Variants in IDH3G observed in about 807,000 individuals in gnomAD.
IDH3G encodes the protein isocitrate dehydrogenase [NAD] subunit gamma, mitochondrial.
Under a neutral mutation model 26.9 loss-of-function variants are expected in IDH3G, and 9 were observed. The observed-to-expected ratio is 0.34, with a 90% confidence interval of 0.20 to 0.58. The LOEUF is 0.58. IDH3G is among the 20% of genes least tolerant of loss of function. The pLI, the probability that IDH3G is intolerant of heterozygous loss-of-function variation, is 0.85. For missense variants in IDH3G, 250 were observed against 372.8 expected, an observed-to-expected ratio of 0.67 and a Z score of 2.71; for synonymous variants, 181 against 160.0, an observed-to-expected ratio of 1.13 and a Z score of -0.99.
chrX:153,790,472 G>T, intron 3 of IDH3G, 92 bp downstream of exon 3: 1 of 1,032,384 alleles, frequency 9.7e-7, no homozygotes, highest in Non-Finnish European at 1.3e-6. Context: ...CAGGGCTCCT[G>T]GGTCAGCAGC....
At chrX:153,788,648 G>A (rs782463643) in intron 5 of IDH3G, among the ~76,000 whole-genome samples, 1 of 113,126 alleles carries the variant, frequency 8.8e-6, no homozygotes, top group East Asian at 2.8e-4. Flanking sequence ...GGCCGCTGGA[G>A]ACAGCAGTCA....
In IDH3G at chrX:153,787,612, G is replaced by A. The variant is rs372412090; in HGVS notation, c.541-15C>T. The A allele has an allele frequency of 9.9e-6, 12 of 1,208,547 alleles. No homozygotes were observed. In the Middle Eastern group the frequency reaches 6.9e-4, roughly 70 times the overall value. On this transcript the variant is annotated splice_polypyrimidine_tract_variant and intron_variant, in intron 7 of 12. Coordinates refer to ENST00000217901, the MANE Select transcript of IDH3G (RefSeq NM_004135.4). The stretch of plus-strand genomic sequence containing the variant: ...CCCGCCACACTCTGAGGAGGGCATG[G>A]GGAGAAGAGACCCATGTGCTACTGA...
chrX:153,790,663 G>A (rs1557070270), intron 2 of IDH3G, 88 bp from the exon 3 acceptor site: 13 of 1,100,871 alleles, frequency 1.2e-5, no homozygotes, highest in African/African-American at 1.8e-5. Context: ...TTTTCCCAGG[G>A]GGATGCTGGC....
At chrX:153,788,028 C>A in intron 6 of IDH3G, 47 bp downstream of exon 6, 1 of 1,208,009 alleles carries the variant, frequency 8.3e-7, no homozygotes, top group Non-Finnish European at 1.1e-6. Context: ...ACTGGCTCAC[C>A]CCACCTTAGC....
At chrX:153,790,661 G>C in intron 2 of IDH3G, 86 bp from the exon 3 acceptor site, 5 of 1,097,304 alleles carry the variant, frequency 4.6e-6, no homozygotes, top group Non-Finnish European at 6.3e-6. Flanking sequence ...CCTTTTCCCA[G>C]GGGGATGCTG....
At chrX:153,790,505 A>T in intron 3 of IDH3G, 59 bp downstream of exon 3, 3 of 1,102,709 alleles carry the variant, frequency 2.7e-6, no homozygotes, top group African/African-American at 1.8e-5. Flanking sequence ...CCTGGAATTT[A>T]GTTAACCCCA....
chrX:153,792,923 G>A (rs2092115156), intron 1 of IDH3G, among the ~76,000 whole-genome samples: 1 of 112,558 alleles, frequency 8.9e-6, no homozygotes, highest in Non-Finnish European at 1.9e-5. Context: ...TCCATGGAAA[G>A]AAAGAACATC....
chrX:153,792,609 C>G (rs1174721118), intron 1 of IDH3G, among the ~76,000 whole-genome samples: 1 of 112,507 alleles, frequency 8.9e-6, no homozygotes, highest in African/African-American at 3.2e-5. Context: ...TGGCAGCAAG[C>G]CAATCTCCTG....
At chrX:153,787,189 C>T in intron 8 of IDH3G, 36 bp from the exon 9 acceptor site, 1 of 1,090,686 alleles carries the variant, frequency 9.2e-7, no homozygotes, top group Non-Finnish European at 1.3e-6. Flanking sequence ...CCAGCTTGGC[C>T]ATCGCAACAG....
At chrX:153,786,514 C>G in intron 10 of IDH3G, 65 bp from the exon 11 acceptor site, 7 of 888,943 alleles carry the variant, frequency 7.9e-6, no homozygotes, top group Non-Finnish European at 9.6e-6. Flanking sequence ...GACTCTGCTC[C>G]TGTGACACGT....
At position 153,786,810 on chromosome X, in the gene IDH3G, C is replaced by T. The variant is rs1557069272; in HGVS notation, c.915G>A (p.Val305=). 3.3e-6 allele frequency: 4 copies of T among 1,205,438 alleles called. No individual in the cohort carries two copies. Among genetic ancestry groups the T allele is most frequent in the East Asian group, 3.0e-5 (1 of 33,693 alleles). ...AGANYGHVYA[V]FETATRNTGK... ...TGCCACCGGCACTCACTGTTTCAAA[C>T]ACCGCGTACACATGGCCATAGTTGG... The change falls in exon 10 of 13, where the codon GTG becomes GTA. Residue 305 remains valine, a synonymous_variant. Coordinates refer to ENST00000217901, the MANE Select transcript of IDH3G (RefSeq NM_004135.4).
Position 153,787,836 on chromosome X carries a change from C to A in IDH3G, c.527G>T (p.Ser176Ile). The A allele has an allele frequency of 8.3e-7, 1 of 1,209,075 alleles. No individual in the cohort carries two copies. The highest frequency in any genetic ancestry group is 1.1e-6 in the Non-Finnish European group (1 of 893,141). ...VRENTEGEYS[S>I]LEHESVAGVV... ...CCCCATGCACACCTCATGCTCCAGG[C>A]TGCTGTACTCGCCCTCTGTGTTCTC... is the stretch of plus-strand genomic sequence containing the variant. Residue 176 changes from serine to isoleucine, a missense_variant, in exon 7 of 13, where the codon AGC becomes ATC. Ser to Ile is a moderately radical substitution (Grantham distance 142). Around this residue, in one of 2 missense-constraint regions of IDH3G, gnomAD observed 201 missense variants for 331.3 expected, o/e 0.61. Transcript: ENST00000217901.
chrX:153,787,749 C>T, intron 7 of IDH3G, 74 bp downstream of exon 7: 1 of 1,151,203 alleles, frequency 8.7e-7, no homozygotes. Flanking sequence ...TAAGGGTACA[C>T]CTGTCCCTGG....
Position 153,790,224 on chromosome X carries a change from C to T in IDH3G, c.204G>A (p.Glu68=). The T allele has an allele frequency of 2.5e-6, 3 of 1,210,781 alleles. No individual in the cohort carries two copies. The highest frequency in any genetic ancestry group is 3.4e-6 in the Non-Finnish European group (3 of 894,366). ...AGACGGACTTGACATGCAGCATGAG[C>T]TCTGGCCCGATGCCATCCCCTGGGA... ...TMIPGDGIGP[E]LMLHVKSVFR... Residue 68 remains glutamate (E), a synonymous_variant, in exon 4 of 13, where the codon GAG becomes GAA. Transcript: ENST00000217901.
chrX:153,790,330 T>A (rs2092104721), intron 3 of IDH3G, 38 bp from the exon 4 acceptor site: 10 of 1,095,110 alleles, frequency 9.1e-6, no homozygotes, highest in Non-Finnish European at 1.3e-5. Flanking sequence ...CCTTCGGGGA[T>A]CCCACATGCC....
intron 6 of IDH3G, 37 bp from the exon 7 acceptor site, chrX:153,787,992 C>A: frequency 8.3e-7 from 1 of 1,210,186 alleles, no homozygotes; most frequent in Non-Finnish European, 1.1e-6. Flanking sequence ...CTAGGCCTGA[C>A]AGGTGGCTGA....
intron 1 of IDH3G, chrX:153,791,453 A>C (rs1557070508): frequency 8.9e-6 from 1 of 112,697 alleles, no homozygotes; most frequent in African/African-American, 3.2e-5. Flanking sequence ...CCATTTCTGG[A>C]AGGTTGATAA....
intron 1 of IDH3G, among the ~76,000 whole-genome samples, chrX:153,793,016 TTC>T (rs1308593083): frequency 1.8e-5 from 2 of 112,235 alleles, no homozygotes; most frequent in African/African-American, 6.5e-5. Context: ...GCTGCATGTT[TTC>T]CTATGGCGTC....
intron 1 of IDH3G, chrX:153,791,078 C>T (rs2092107962): frequency 8.2e-6 from 3 of 367,864 alleles, no homozygotes; most frequent in South Asian, 1.4e-4. Context: ...CCTCCTTCCG[C>T]TCTTCAGAAA....
Sources: allele counts gnomAD v4.1 joint callset (sites outside exome capture counted in the v4.1 genomes callset), GRCh38; gene constraint gnomAD v4.1.1; regional missense constraint gnomAD v4.1.1; transcripts MANE v1.5; gene names NCBI Gene and HGNC (gene_info 2026-07-23, HGNC 2026-07-21).